Variants in ARHGAP15 observed in about 807,000 individuals in gnomAD.
ARHGAP15 encodes the protein Rho GTPase activating protein 15.
In ARHGAP15, 51 loss-of-function variants were observed where a neutral mutation model predicts 63.7. That is an observed-to-expected ratio of 0.80 (90% CI 0.64 to 1.01). ARHGAP15 has a LOEUF of 1.01. ARHGAP15 is among the 50% of genes least tolerant of loss of function. The probability of loss-of-function intolerance (pLI) is 0.00; values close to 1 mark genes in which losing one functional copy is unlikely to be tolerated. For synonymous variants in ARHGAP15, 191 were observed against 193.8 expected (o/e 0.99, Z 0.12); for missense variants, 560 against 564.6 (o/e 0.99, Z 0.08).
At chr2:143,326,450 G>A (rs938703544) in intron 6 of ARHGAP15, among the ~76,000 whole-genome samples, 1 of 152,134 alleles carries the variant, frequency 6.6e-6, no homozygotes, top group African/African-American at 2.4e-5. Context: ...GCTCTACACA[G>A]CACTATTGAG....
At chr2:143,379,487 A>ATGTGTGTGTGTGTGTGTGTGTGTG (rs58976215) in intron 6 of ARHGAP15, among the ~76,000 whole-genome samples, 1 of 129,764 alleles carries the variant, frequency 7.7e-6, no homozygotes, top group Non-Finnish European at 1.6e-5. Flanking sequence ...AGGCATATAT[A>ATGTGTGTGTGTGTGTGTGTGTGTG]TGTGTGTGTG....
chr2:143,359,260 G>A (rs1262760643), intron 6 of ARHGAP15, among the ~76,000 whole-genome samples: 1 of 152,038 alleles, frequency 6.6e-6, no homozygotes, highest in Non-Finnish European at 1.5e-5. Flanking sequence ...GAAGTTCATT[G>A]ACTTTGAGGG....
chr2:143,712,392 A>C (rs913124678), intron 13 of ARHGAP15, among the ~76,000 whole-genome samples: 2 of 152,204 alleles, frequency 1.3e-5, no homozygotes, highest in Non-Finnish European at 2.9e-5. Context: ...TATTAGCAAA[A>C]TCCAGTCAAG....
At chr2:143,764,220 T>C (rs1686874590) in intron 13 of ARHGAP15, among the ~76,000 whole-genome samples, 1 of 152,132 alleles carries the variant, frequency 6.6e-6, no homozygotes, top group South Asian at 2.1e-4. Context: ...ACAGGAAATT[T>C]AGGTAATTTG....
chr2:143,304,250 T>G (rs535275937), intron 6 of ARHGAP15, among the ~76,000 whole-genome samples: 2 of 152,234 alleles, frequency 1.3e-5, no homozygotes, highest in South Asian at 4.1e-4. Flanking sequence ...GTGGCACATA[T>G]ACACCATGGA....
chr2:143,645,004 G>T (rs1235221596), intron 12 of ARHGAP15, among the ~76,000 whole-genome samples: 1 of 152,042 alleles, frequency 6.6e-6, no homozygotes, highest in Non-Finnish European at 1.5e-5. Context: ...TTCGTACAGT[G>T]AGCATGTTTG....
intron 11 of ARHGAP15, among the ~76,000 whole-genome samples, chr2:143,593,009 G>A (rs1178723408): frequency 1.3e-5 from 2 of 152,150 alleles, no homozygotes; most frequent in African/African-American, 2.4e-5. Flanking sequence ...GAGAGTTTAG[G>A]TAGCATAGGA....
At chr2:143,700,489 C>T (rs1684036415) in intron 12 of ARHGAP15, among the ~76,000 whole-genome samples, 1 of 152,106 alleles carries the variant, frequency 6.6e-6, no homozygotes, top group African/African-American at 2.4e-5. Context: ...TGGCATTAAC[C>T]TGATTATTAC....
Position 143,133,773 on chromosome 2 carries a change from C to G in ARHGAP15, c.-15+4307C>G, listed in dbSNP as rs547754795. Among the ~76,000 whole-genome samples, 9 of 152,130 alleles carry G rather than the reference C, an allele frequency of 5.9e-5. No homozygotes were observed. In the South Asian group the frequency reaches 1.9e-3, roughly 32 times the overall value. ...TATTTCTATCTATCCCATTTATCCC[C>G]ATCTTAATCCAACGTAACCACTTTT... On this transcript the variant is annotated intron_variant, in intron 1 of 13. Coordinates refer to ENST00000295095, the MANE Select transcript of ARHGAP15 (RefSeq NM_018460.4).
intron 2 of ARHGAP15, among the ~76,000 whole-genome samples, chr2:143,166,313 T>C (rs535954409): frequency 6.6e-6 from 1 of 152,130 alleles, no homozygotes; most frequent in African/African-American, 2.4e-5. Flanking sequence ...CGTTGAGTGG[T>C]CACCATCTCA....
intron 13 of ARHGAP15, among the ~76,000 whole-genome samples, chr2:143,761,858 A>G (rs148642225): frequency 1.3e-5 from 2 of 152,186 alleles, no homozygotes; most frequent in African/African-American, 4.8e-5. Context: ...CCTTTTTTTA[A>G]TGCTGTAAAC....
chr2:143,344,696 G>A (rs1685196154), intron 6 of ARHGAP15, among the ~76,000 whole-genome samples: 1 of 152,110 alleles, frequency 6.6e-6, no homozygotes, highest in African/African-American at 2.4e-5. Flanking sequence ...AAAGAACACT[G>A]TATCACATTT....
intron 6 of ARHGAP15, among the ~76,000 whole-genome samples, chr2:143,336,842 T>C (rs112177967): frequency 2.0e-5 from 3 of 152,210 alleles, no homozygotes; most frequent in African/African-American, 7.2e-5. Context: ...ATTTCAGTTT[T>C]ATTTATTTAC....
At position 143,271,731 on chromosome 2, in the gene ARHGAP15, C is replaced by G. The variant is rs375206080; in HGVS notation, c.474+21131C>G. On this transcript the variant is annotated intron_variant, in intron 6 of 13. Transcript: ENST00000295095. ...GACCTCGTGATCCGCCCGCCTTGGCCTCCCAAAGCGCTGGGATTACAGGCA... is the reference window on the plus strand; with the variant it reads ...GACCTCGTGATCCGCCCGCCTTGGCGTCCCAAAGCGCTGGGATTACAGGCA... 1.7e-3 allele frequency among the ~76,000 whole-genome samples: 263 copies of G among 152,358 alleles called. 1 individual carries two copies. Among genetic ancestry groups the G allele is most frequent in the South Asian group, 9.1e-3 (44 of 4,832 alleles).
At chr2:143,431,460 T>C (rs1313023495) in intron 6 of ARHGAP15, among the ~76,000 whole-genome samples, 2 of 152,128 alleles carry the variant, frequency 1.3e-5, no homozygotes, top group Admixed American at 1.3e-4. Context: ...GATATCACTT[T>C]GCATACCAAG....
chr2:143,623,121 A>T (rs931544821), intron 11 of ARHGAP15, among the ~76,000 whole-genome samples: 9 of 152,192 alleles, frequency 5.9e-5, no homozygotes, highest in African/African-American at 2.2e-4. Context: ...AACCTTTTCC[A>T]TGTTGCACGT....
chr2:143,389,223 A>G (rs1181275852), intron 6 of ARHGAP15, among the ~76,000 whole-genome samples: 1 of 151,960 alleles, frequency 6.6e-6, no homozygotes, highest in Non-Finnish European at 1.5e-5. Context: ...TGAATTTACT[A>G]TTAAGCCCAG....
intron 6 of ARHGAP15, among the ~76,000 whole-genome samples, chr2:143,420,648 C>T (rs964878642): frequency 6.6e-6 from 1 of 152,134 alleles, no homozygotes; most frequent in Non-Finnish European, 1.5e-5. Context: ...TAGAATCTTG[C>T]CATCCTGGGC....
intron 6 of ARHGAP15, among the ~76,000 whole-genome samples, chr2:143,434,701 A>G (rs1341730897): frequency 3.3e-5 from 5 of 152,160 alleles, no homozygotes; most frequent in Admixed American, 6.5e-5. Flanking sequence ...GTTGCAAGGA[A>G]AAGTCAATAA....
Sources: gnomAD v4.1 joint callset for allele counts (sites outside exome capture counted in the v4.1 genomes callset) on GRCh38, gnomAD v4.1.1 for gene constraint, MANE v1.5 for transcripts, NCBI Gene and HGNC (gene_info 2026-07-23, HGNC 2026-07-21) for gene names.